The following COL6A6 variants were observed in gnomAD, a reference collection of about 807,000 sequenced individuals.
COL6A6 encodes collagen type VI alpha 6 chain.
Under a neutral mutation model 208.6 loss-of-function variants are expected in COL6A6, and 183 were observed. The observed-to-expected ratio is 0.88, with a 90% confidence interval of 0.78 to 0.99. The LOEUF (loss-of-function observed/expected upper bound fraction) is 0.99. Ranked by LOEUF, COL6A6 falls within the 50% of genes least tolerant of loss-of-function variation. The pLI is 0.00. For missense variants in COL6A6, 2,816 were observed against 2,815.2 expected (o/e 1.00, Z -0.01); for synonymous variants, 973 against 1,011.8 (o/e 0.96, Z 0.73).
chr3:130,563,460 GC>G lies in COL6A6; in HGVS notation c.460del (p.Leu154CysfsTer6). 6.2e-7 allele frequency: 1 copy of G among 1,614,020 alleles called. No individual in the cohort carries two copies. The highest frequency in any genetic ancestry group is 1.7e-5 in the Admixed American group (1 of 60,028). ...GGATAATGTGGAAGAGGCATCAAAG[GC>G]CCTGCGGAAAGACGGAGTGAAAATC... The part of the protein sequence containing the change: ...SEDNVEEASK[A>X]LRKDGVKIIS... On this transcript the variant is annotated frameshift_variant, in exon 3 of 37. Transcript: ENST00000358511. LOFTEE classifies it high-confidence loss of function.
intron 18 of COL6A6, among the ~76,000 whole-genome samples, chr3:130,594,651 A>G (rs921406988): frequency 3.3e-5 from 5 of 152,228 alleles, no homozygotes; most frequent in Admixed American, 3.3e-4. Context: ...ACCTCAAAAT[A>G]CAAACACAAT....
At chr3:130,553,937 T>G (rs1477749994) in intron 1 of COL6A6, among the ~76,000 whole-genome samples, 1 of 152,194 alleles carries the variant, frequency 6.6e-6, no homozygotes, top group African/African-American at 2.4e-5. Flanking sequence ...TTGTATTGAC[T>G]GGCATCATTT....
chr3:130,640,908 TAA>T (rs1454200091), intron 28 of COL6A6, among the ~76,000 whole-genome samples: 4 of 152,230 alleles, frequency 2.6e-5, no homozygotes, highest in Non-Finnish European at 5.9e-5. Flanking sequence ...TCCATTTAGA[TAA>T]AAAGTTTTCC....
At chr3:130,665,178 T>G (rs1302042582) in intron 36 of COL6A6, 82 bp downstream of exon 36, 2 of 863,636 alleles carry the variant, frequency 2.3e-6, no homozygotes, top group East Asian at 2.8e-5. Flanking sequence ...TTTCTTGCTT[T>G]TCTTCCTCCT....
At chr3:130,535,575 G>A (rs1024173794) in intron 1 of COL6A6, among the ~76,000 whole-genome samples, 4 of 151,076 alleles carry the variant, frequency 2.6e-5, no homozygotes, top group Non-Finnish European at 5.9e-5. Context: ...TTTTTTCTGC[G>A]CTCATCTTCA....
intron 33 of COL6A6, among the ~76,000 whole-genome samples, chr3:130,655,084 A>G (rs2065752659): frequency 1.3e-5 from 2 of 152,178 alleles, no homozygotes; most frequent in Non-Finnish European, 2.9e-5. Flanking sequence ...CTGTAGGAGT[A>G]AATTGGGGAA....
chr3:130,543,389 T>A (rs1468699113), intron 1 of COL6A6, among the ~76,000 whole-genome samples: 2 of 152,264 alleles, frequency 1.3e-5, no homozygotes, highest in Non-Finnish European at 2.9e-5. Context: ...TACTTGTTTC[T>A]ATTCGATGCC....
chr3:130,671,350 G>A lies in COL6A6; in HGVS notation c.6597-3852G>A, dbSNP rs145572854. ...TATGAGTGGGAAGAGGGGATCCACAGTGCTTTTGGACAGGAAGTTTCTTCC... is the reference window on the plus strand; with the variant it reads ...TATGAGTGGGAAGAGGGGATCCACAATGCTTTTGGACAGGAAGTTTCTTCC... On this transcript the variant is annotated intron_variant, in intron 36 of 36. Coordinates refer to ENST00000358511, the MANE Select transcript of COL6A6 (RefSeq NM_001102608.3). Among the ~76,000 whole-genome samples the A allele has an allele frequency of 3.9e-3, 587 of 152,254 alleles. 1 individual carries two copies. Among genetic ancestry groups the A allele is most frequent in the African/African-American group, 0.013 (548 of 41,540 alleles).
intron 20 of COL6A6, among the ~76,000 whole-genome samples, chr3:130,603,452 C>A (rs957865569): frequency 3.9e-5 from 6 of 152,038 alleles, no homozygotes; most frequent in African/African-American, 1.4e-4. Context: ...GCTATGCTAG[C>A]AGACTATAAT....
chr3:130,555,669 T>G (rs1174573644), intron 1 of COL6A6, among the ~76,000 whole-genome samples: 2 of 152,232 alleles, frequency 1.3e-5, no homozygotes, highest in Non-Finnish European at 2.9e-5. Context: ...ATATATCTTC[T>G]GTTAGGTTAA....
chr3:130,673,045 G>T (rs569865796), intron 36 of COL6A6, among the ~76,000 whole-genome samples: 22 of 146,058 alleles, frequency 1.5e-4, no homozygotes, highest in African/African-American at 4.6e-4. Context: ...TGGGTGTGGT[G>T]GTGGGTGCCT....
chr3:130,587,359 C>A (rs1217199669), intron 11 of COL6A6, among the ~76,000 whole-genome samples: 1 of 152,208 alleles, frequency 6.6e-6, no homozygotes, highest in Non-Finnish European at 1.5e-5. Context: ...CTCCCGGGTT[C>A]AAGCAATTCT....
chr3:130,519,503 C>T (rs1004760783), intron 1 of COL6A6, among the ~76,000 whole-genome samples: 2 of 152,062 alleles, frequency 1.3e-5, no homozygotes, highest in African/African-American at 4.8e-5. Flanking sequence ...GATTCATGAA[C>T]ATGACTTTTC....
chr3:130,672,004 A>G (rs75120575), intron 36 of COL6A6, among the ~76,000 whole-genome samples: 63 of 152,392 alleles, frequency 4.1e-4, no homozygotes, highest in Non-Finnish European at 8.2e-4. Flanking sequence ...CACTAATGCC[A>G]TATGAATAAT....
chr3:130,634,664 A>G (rs767588579), intron 27 of COL6A6, 39 bp downstream of exon 27: 10 of 1,507,592 alleles, frequency 6.6e-6, no homozygotes, highest in Non-Finnish European at 9.2e-6. Flanking sequence ...TCAGTCAGAA[A>G]TACTCCTGGG....
At chr3:130,655,273 C>T (rs1693470115) in intron 33 of COL6A6, among the ~76,000 whole-genome samples, 1 of 152,112 alleles carries the variant, frequency 6.6e-6, no homozygotes, top group African/African-American at 2.4e-5. Flanking sequence ...AAGGTTTACC[C>T]ATTTCTCTAG....
intron 1 of COL6A6, among the ~76,000 whole-genome samples, chr3:130,537,849 G>A (rs1378946486): frequency 6.6e-6 from 1 of 152,156 alleles, no homozygotes; most frequent in Non-Finnish European, 1.5e-5. Flanking sequence ...CTGCCCTTTT[G>A]TATCTTGGTC....
At chr3:130,537,892 A>G (rs1416223264) in intron 1 of COL6A6, among the ~76,000 whole-genome samples, 1 of 152,240 alleles carries the variant, frequency 6.6e-6, no homozygotes, top group African/African-American at 2.4e-5. Flanking sequence ...GGAGATACAG[A>G]GCCTCTATTC....
Position 130,649,491 on chromosome 3 carries a change from T to C in COL6A6, c.5662T>C (p.Phe1888Leu). The C allele has an allele frequency of 6.2e-7, 1 of 1,607,818 alleles. No homozygotes were observed. The highest frequency in any genetic ancestry group is 8.5e-7 in the Non-Finnish European group (1 of 1,177,162). Residue 1888 changes from phenylalanine (F) to leucine (L), a missense_variant, in exon 33 of 37, where the codon TTC becomes CTC. Transcript: ENST00000358511. ...CTCCATCACCACGGCTGCCATGGAGTTCGGCGCGCTTGAAATCATTCCCGT... is the reference window on the plus strand; with the variant it reads ...CTCCATCACCACGGCTGCCATGGAGCTCGGCGCGCTTGAAATCATTCCCGT... ...AHSITTAAMEFGALEIIPVVI... is the reference protein window; with the variant it reads ...AHSITTAAMELGALEIIPVVI...
Sources: allele counts gnomAD v4.1 joint callset (sites outside exome capture counted in the v4.1 genomes callset), GRCh38; gene constraint gnomAD v4.1.1; transcripts MANE v1.5; gene names NCBI Gene and HGNC (gene_info 2026-07-23, HGNC 2026-07-21).